The following RABGAP1L variants were observed in gnomAD, a reference collection of about 807,000 sequenced individuals.
RABGAP1L encodes RAB GTPase activating protein 1 like, also known as rab GTPase-activating protein 1-like.
A neutral mutation model predicts 137.7 loss-of-function variants in RABGAP1L; 63 were observed. That is an observed-to-expected ratio of 0.46 (90% confidence interval 0.37 to 0.56). The LOEUF (loss-of-function observed/expected upper bound fraction) is 0.56, where lower values mean the gene tolerates loss of function less well. Ranked by LOEUF, RABGAP1L falls within the 20% of genes least tolerant of loss-of-function variation. The pLI, the probability that RABGAP1L is intolerant of heterozygous loss-of-function variation, is 0.00. For synonymous variants in RABGAP1L, 431 were observed against 433.7 expected (o/e 0.99, Z 0.08); for missense variants, 1,095 against 1,244.0 (o/e 0.88, Z 1.80).
intron 20 of RABGAP1L, among the ~76,000 whole-genome samples, 187 bp from the exon 21 acceptor site, chr1:174,969,090 G>A (rs894072332): frequency 1.3e-5 from 2 of 152,158 alleles, no homozygotes; most frequent in East Asian, 1.9e-4. Flanking sequence ...GTAGAGAACC[G>A]CATCTGCATT....
intron 13 of RABGAP1L, among the ~76,000 whole-genome samples, chr1:174,579,878 C>T (rs1386788220): frequency 1.3e-5 from 2 of 152,216 alleles, no homozygotes; most frequent in East Asian, 1.9e-4. Context: ...TCTCCTGCCT[C>T]AGTCTCCTGA....
chr1:174,688,002 G>T (rs1351769178), intron 15 of RABGAP1L, among the ~76,000 whole-genome samples: 1 of 152,130 alleles, frequency 6.6e-6, no homozygotes, highest in African/African-American at 2.4e-5. Flanking sequence ...GACAATGGAA[G>T]AATTAAATGT....
intron 18 of RABGAP1L, among the ~76,000 whole-genome samples, chr1:174,784,483 A>T (rs1414381359): frequency 1.3e-5 from 2 of 151,782 alleles, no homozygotes; most frequent in African/African-American, 4.8e-5. Flanking sequence ...TTGTGGTGGG[A>T]GGTGGGAGAG....
At chr1:174,597,592 C>G (rs1463294615) in intron 13 of RABGAP1L, among the ~76,000 whole-genome samples, 3 of 151,654 alleles carry the variant, frequency 2.0e-5, no homozygotes, top group Non-Finnish European at 4.4e-5. Flanking sequence ...TATTTGTCTT[C>G]TCTCTTTTTT....
chr1:174,719,582 A>T (rs1174885337), intron 17 of RABGAP1L, among the ~76,000 whole-genome samples: 1 of 152,186 alleles, frequency 6.6e-6, no homozygotes, highest in Non-Finnish European at 1.5e-5. Context: ...CTACTTAAAG[A>T]TTTATTTAGG....
At chr1:174,865,432 A>G (rs1425991541) in intron 19 of RABGAP1L, among the ~76,000 whole-genome samples, 1 of 152,232 alleles carries the variant, frequency 6.6e-6, no homozygotes, top group African/African-American at 2.4e-5. Context: ...TTGTCTCAGA[A>G]TGAAGCTCCT....
chr1:174,900,204 A>G (rs1163063626), intron 19 of RABGAP1L, among the ~76,000 whole-genome samples: 3 of 152,234 alleles, frequency 2.0e-5, no homozygotes, highest in Non-Finnish European at 4.4e-5. Context: ...AGAATTAGAC[A>G]AAATGCACAC....
chr1:174,740,369 A>C (rs1167888912), intron 17 of RABGAP1L, among the ~76,000 whole-genome samples: 1 of 152,180 alleles, frequency 6.6e-6, no homozygotes, highest in Non-Finnish European at 1.5e-5. Context: ...TACACTCATT[A>C]CTGGTTTCCC....
intron 7 of RABGAP1L, among the ~76,000 whole-genome samples, chr1:174,270,719 T>A (rs79061714): frequency 0.06 from 9,206 of 152,178 alleles, 976 homozygotes; most frequent in African/African-American, 0.21. Flanking sequence ...CTAAGGAGGC[T>A]GACAGAAGGG....
chr1:174,396,800 C>T (rs1042986873), intron 13 of RABGAP1L, among the ~76,000 whole-genome samples: 2 of 151,970 alleles, frequency 1.3e-5, no homozygotes, highest in Non-Finnish European at 2.9e-5. Flanking sequence ...TTATACCAAA[C>T]ACCATGGTAG....
chr1:174,652,167 A>G (rs1675567281), intron 14 of RABGAP1L, among the ~76,000 whole-genome samples: 1 of 151,940 alleles, frequency 6.6e-6, no homozygotes, highest in Non-Finnish European at 1.5e-5. Flanking sequence ...ATCGGCCCCC[A>G]CTCTCTTCTA....
intron 13 of RABGAP1L, among the ~76,000 whole-genome samples, chr1:174,618,191 A>G (rs1346316683): frequency 3.3e-5 from 5 of 152,136 alleles, no homozygotes; most frequent in African/African-American, 4.8e-5. Flanking sequence ...AGGCCTGCTT[A>G]CCTCTGTAGA....
intron 14 of RABGAP1L, among the ~76,000 whole-genome samples, chr1:174,639,025 T>TTA (rs1311643065): frequency 6.7e-6 from 1 of 150,280 alleles, no homozygotes; most frequent in African/African-American, 2.5e-5. Flanking sequence ...ACCCTAAAAC[T>TTA]TAAAGTGTAA....
chr1:174,400,414 T>G (rs2149099761), intron 13 of RABGAP1L, among the ~76,000 whole-genome samples: 1 of 152,230 alleles, frequency 6.6e-6, no homozygotes, highest in Non-Finnish European at 1.5e-5. Flanking sequence ...GTATTGCTCC[T>G]TATGAAATAG....
At chr1:174,675,266 T>TA (rs1677525714) in intron 14 of RABGAP1L, among the ~76,000 whole-genome samples, 1 of 151,364 alleles carries the variant, frequency 6.6e-6, no homozygotes, top group Non-Finnish European at 1.5e-5. Context: ...AATTTTTGTA[T>TA]AAGGTGTAAG....
At chr1:174,242,120 T>C (rs1671880152) in intron 5 of RABGAP1L, among the ~76,000 whole-genome samples, 1 of 152,256 alleles carries the variant, frequency 6.6e-6, no homozygotes, top group Admixed American at 6.5e-5. Context: ...GATTATTTGT[T>C]TTGTGCTTTC....
intron 13 of RABGAP1L, among the ~76,000 whole-genome samples, chr1:174,404,151 T>C (rs1449611664): frequency 3.3e-5 from 5 of 152,170 alleles, no homozygotes; most frequent in African/African-American, 4.8e-5. Context: ...GATAACTTTA[T>C]TATGATACAA....
At chr1:174,582,538 T>G (rs1668819966) in intron 13 of RABGAP1L, among the ~76,000 whole-genome samples, 1 of 152,062 alleles carries the variant, frequency 6.6e-6, no homozygotes, top group South Asian at 2.1e-4. Context: ...CCCTGGAGTT[T>G]GAGGCTAGTC....
At chr1:174,639,330 C>CA (rs1354561150) in intron 14 of RABGAP1L, among the ~76,000 whole-genome samples, 1 of 151,982 alleles carries the variant, frequency 6.6e-6, no homozygotes, top group African/African-American at 2.4e-5. Context: ...AGTGATATAT[C>CA]ATCTACTTTG....
Sources: gnomAD v4.1 joint callset for allele counts (sites outside exome capture counted in the v4.1 genomes callset) on GRCh38, gnomAD v4.1.1 for gene constraint, MANE v1.5 for transcripts, NCBI Gene and HGNC (gene_info 2026-07-23, HGNC 2026-07-21) for gene names.